ARSK: variants seen among roughly 807,000 people sequenced by gnomAD.
The protein encoded by ARSK is arylsulfatase family member K, also known as arylsulfatase K.
A neutral mutation model predicts 53.2 loss-of-function variants in ARSK; 37 were observed. That is an observed-to-expected ratio of 0.70 (90% CI 0.54 to 0.92). The LOEUF is 0.92. Ranked by LOEUF, ARSK falls within the 40% of genes least tolerant of loss-of-function variation. The pLI, the probability that ARSK is intolerant of heterozygous loss-of-function variation, is 0.00. For missense variants in ARSK, 613 were observed against 643.0 expected (o/e 0.95, Z 0.51); for synonymous variants, 208 against 223.2 (o/e 0.93, Z 0.61).
chr5:95,582,191 T>C (rs1236160949), intron 3 of ARSK, among the ~76,000 whole-genome samples: 1 of 152,146 alleles, frequency 6.6e-6, no homozygotes, highest in Admixed American at 6.5e-5. Context: ...TGCCCAGGAC[T>C]GCTTTCTCAC....
At chr5:95,600,493 TTAAC>T (rs1749383248) in intron 6 of ARSK, 2 of 375,930 alleles carry the variant, frequency 5.3e-6, no homozygotes, top group Non-Finnish European at 1.0e-5. Flanking sequence ...AATAGTGATA[TTAAC>T]TATTTGTTGA....
intron 3 of ARSK, among the ~76,000 whole-genome samples, chr5:95,573,109 C>T (rs11135429): frequency 0.27 from 40,885 of 152,050 alleles, 7,790 homozygotes; most frequent in African/African-American, 0.54. Context: ...TAAAACTAGA[C>T]ATTTTATGCT....
chr5:95,559,963 A>G (rs1580213041), intron 1 of ARSK, among the ~76,000 whole-genome samples: 2 of 152,324 alleles, frequency 1.3e-5, no homozygotes, highest in Admixed American at 6.5e-5. Context: ...CTACAAAACT[A>G]TTGAACTAAT....
At chr5:95,585,518 C>T (rs769878859) in intron 4 of ARSK, among the ~76,000 whole-genome samples, 11 of 152,170 alleles carry the variant, frequency 7.2e-5, no homozygotes, top group African/African-American at 2.2e-4. Flanking sequence ...TGCAGCAACC[C>T]GGATGAAATT....
chr5:95,603,221 A>ATTTTTTT lies in ARSK; in HGVS notation c.1322-14_1322-8dup. ...CAGGTCACTATTTTGACAGATACTT[A>ATTTTTTT]TTTTTTTTCTTTCAGATCTTTCCTC... is the stretch of plus-strand genomic sequence containing the variant. On this transcript the variant is annotated splice_polypyrimidine_tract_variant and intron_variant, in intron 7 of 7. Transcript: ENST00000380009. 6.6e-7 allele frequency: 1 copy of ATTTTTTT among 1,526,586 alleles called. No homozygotes were observed. 94.6% of individuals were successfully genotyped at this position (1,526,586 alleles called of 1,614,324 possible).
chr5:95,568,213 C>T (rs924942884), intron 3 of ARSK, among the ~76,000 whole-genome samples, 164 bp downstream of exon 3: 1 of 152,158 alleles, frequency 6.6e-6, no homozygotes, highest in Admixed American at 6.5e-5. Context: ...CTTTCATCTT[C>T]CTAAAACATT....
At chr5:95,574,894 G>A (rs906223157) in intron 3 of ARSK, among the ~76,000 whole-genome samples, 1 of 152,018 alleles carries the variant, frequency 6.6e-6, no homozygotes, top group Non-Finnish European at 1.5e-5. Flanking sequence ...TGCGTTTGTG[G>A]GGTATTACTC....
intron 6 of ARSK, 190 bp from the exon 7 acceptor site, chr5:95,600,657 C>A: frequency 1.4e-6 from 1 of 695,796 alleles, no homozygotes; most frequent in Non-Finnish European, 2.6e-6. Context: ...AAGTAAATTA[C>A]TTGCTGAAGT....
chr5:95,600,645 A>G (rs757910250), intron 6 of ARSK: 42 of 686,202 alleles, frequency 6.1e-5, no homozygotes, highest in Admixed American at 5.5e-4. Context: ...TGAGGTTGAG[A>G]TAAGTAAATT....
chr5:95,594,517 G>T (rs1481230671), intron 6 of ARSK, among the ~76,000 whole-genome samples: 1 of 152,052 alleles, frequency 6.6e-6, no homozygotes, highest in Non-Finnish European at 1.5e-5. Context: ...GTTTACAAAG[G>T]TTAAGAAGAA....
At chr5:95,561,585 T>C (rs1748636672) in intron 1 of ARSK, among the ~76,000 whole-genome samples, 1 of 152,224 alleles carries the variant, frequency 6.6e-6, no homozygotes, top group South Asian at 2.1e-4. Flanking sequence ...AAATATGGTA[T>C]ATGCTACAAT....
At position 95,600,949 on chromosome 5, in the gene ARSK, C is replaced by T; in HGVS notation, c.1199C>T (p.Pro400Leu). The part of the protein sequence containing the change: ...KNEHKVKNLH[P>L]PWILSEFHGC... ...GAACATAAAGTCAAAAACCTGCATC[C>T]ACCCTGGATTCTGAGTGAATTCCAT... The change falls in exon 7 of 8, where the codon CCA (proline) becomes CTA (leucine). Residue 400 changes from proline to leucine, a missense_variant. Physicochemically the swap from Pro to Leu is moderately conservative, Grantham distance 98. Transcript: ENST00000380009. 1 of 1,614,064 alleles carries T rather than the reference C, an allele frequency of 6.2e-7. No homozygotes were observed. Among genetic ancestry groups the T allele is most frequent in the African/African-American group, 1.3e-5 (1 of 75,036 alleles).
chr5:95,580,968 A>G (rs1323119850), intron 3 of ARSK: 1 of 1,253,522 alleles, frequency 8.0e-7, no homozygotes, highest in East Asian at 5.6e-5. Flanking sequence ...GCCTTTAACC[A>G]TAATCTTGTC....
intron 5 of ARSK, among the ~76,000 whole-genome samples, chr5:95,588,575 T>C (rs762629970): frequency 9.2e-5 from 14 of 152,146 alleles, no homozygotes; most frequent in Non-Finnish European, 1.8e-4. Flanking sequence ...TTAATACTGT[T>C]CATTGTGTTT....
intron 7 of ARSK, 91 bp from the exon 8 acceptor site, chr5:95,603,146 A>C (rs559639871): frequency 1.1e-4 from 113 of 1,049,248 alleles, no homozygotes; most frequent in Non-Finnish European, 1.4e-4. Context: ...AATCTAAAAA[A>C]AAAATCTAAT....
intron 1 of ARSK, chr5:95,556,324 A>G: frequency 2.9e-6 from 2 of 686,918 alleles, no homozygotes; most frequent in Non-Finnish European, 5.3e-6. Flanking sequence ...GAAATTGACT[A>G]GATGGCATTT....
intron 4 of ARSK, among the ~76,000 whole-genome samples, chr5:95,585,062 C>T (rs1328359623): frequency 2.0e-5 from 3 of 151,880 alleles, no homozygotes; most frequent in African/African-American, 7.3e-5. Context: ...TACAAATGGC[C>T]AACAAATATA....
At chr5:95,558,033 A>G (rs1748555464) in intron 1 of ARSK, among the ~76,000 whole-genome samples, 1 of 152,184 alleles carries the variant, frequency 6.6e-6, no homozygotes, top group Admixed American at 6.6e-5. Flanking sequence ...GGTGTGGCCA[A>G]GAAGATAGGA....
At chr5:95,567,502 C>A (rs1212040318) in intron 2 of ARSK, among the ~76,000 whole-genome samples, 1 of 152,102 alleles carries the variant, frequency 6.6e-6, no homozygotes, top group African/African-American at 2.4e-5. Context: ...AGGGAAGATC[C>A]TTAAGGATGT....
Sources: allele counts gnomAD v4.1 joint callset (sites outside exome capture counted in the v4.1 genomes callset), GRCh38; gene constraint gnomAD v4.1.1; transcripts MANE v1.5; gene names NCBI Gene and HGNC (gene_info 2026-07-23, HGNC 2026-07-21).